NLGN1: variants seen among roughly 807,000 people sequenced by gnomAD.
NLGN1 encodes neuroligin-1.
A neutral mutation model predicts 65.5 loss-of-function variants in NLGN1; 12 were observed. That is an observed-to-expected ratio of 0.18 (90% CI 0.12 to 0.30). NLGN1 has a LOEUF of 0.30. NLGN1 is among the 10% of genes least tolerant of loss of function. The pLI, the probability that NLGN1 is intolerant of heterozygous loss-of-function variation, is 1.00. For missense variants in NLGN1, 750 were observed against 1,007.1 expected, an observed-to-expected ratio of 0.74 and a Z score of 3.46; for synonymous variants, 350 against 359.5, an observed-to-expected ratio of 0.97 and a Z score of 0.30.
intron 2 of NLGN1, among the ~76,000 whole-genome samples, chr3:173,557,384 C>T (rs1484447027): frequency 6.6e-6 from 1 of 152,008 alleles, no homozygotes; most frequent in Non-Finnish European, 1.5e-5. Flanking sequence ...TATGACTTAT[C>T]TCATTTTTTT....
At chr3:173,405,950 G>A (rs1718558387) in intron 1 of NLGN1, among the ~76,000 whole-genome samples, 1 of 152,066 alleles carries the variant, frequency 6.6e-6, no homozygotes, top group South Asian at 2.1e-4. Flanking sequence ...ACACATTTAA[G>A]TTAGTATGAT....
At chr3:173,848,891 C>T (rs1198478216) in intron 4 of NLGN1, among the ~76,000 whole-genome samples, 1 of 151,962 alleles carries the variant, frequency 6.6e-6, no homozygotes, top group East Asian at 1.9e-4. Flanking sequence ...CTATAATTAC[C>T]TGCGATAGAT....
At chr3:173,651,601 T>C (rs79275731) in intron 3 of NLGN1, among the ~76,000 whole-genome samples, 2,159 of 152,242 alleles carry the variant, frequency 0.014, 60 homozygotes, top group African/African-American at 0.049. Context: ...TATTTCTTTT[T>C]CTCTGCATCC....
chr3:173,618,315 G>C (rs978575652), intron 3 of NLGN1, among the ~76,000 whole-genome samples: 2 of 151,980 alleles, frequency 1.3e-5, no homozygotes, highest in African/African-American at 4.8e-5. Context: ...TCCTGCCTCA[G>C]CATCTTGGAT....
chr3:174,092,350 G>C (rs963715054), intron 4 of NLGN1, among the ~76,000 whole-genome samples: 1 of 152,106 alleles, frequency 6.6e-6, no homozygotes, highest in Non-Finnish European at 1.5e-5. Flanking sequence ...AGGTACTGTA[G>C]GTATAGGCAT....
In NLGN1 at chr3:173,783,232, T is replaced by C. The variant is rs892876510; in HGVS notation, c.494-24448T>C. On this transcript the variant is annotated intron_variant, in intron 3 of 6. Coordinates refer to ENST00000457714, the Ensembl canonical transcript of NLGN1. ...GGATTTCTCAACTTTGTGAATGAAT[T>C]ACATATTAAAAAGAGACCATTACAT... Among the ~76,000 whole-genome samples the C allele has an allele frequency of 2.0e-5, 3 of 152,140 alleles. No individual in the cohort carries two copies. In the East Asian group the frequency reaches 5.8e-4, roughly 29 times the overall value.
intron 2 of NLGN1, among the ~76,000 whole-genome samples, chr3:173,494,122 A>AGT (rs63066860): frequency 0.018 from 2,676 of 147,606 alleles, 40 homozygotes; most frequent in Middle Eastern, 0.035. Context: ...GTTATAGGTG[A>AGT]GTGTGTGTGT....
chr3:173,510,899 T>C (rs1732837009), intron 2 of NLGN1, among the ~76,000 whole-genome samples: 1 of 152,204 alleles, frequency 6.6e-6, no homozygotes, highest in Non-Finnish European at 1.5e-5. Context: ...TGGTATATGA[T>C]AGATTATTAC....
chr3:174,141,754 A>C (rs750235397), intron 4 of NLGN1, among the ~76,000 whole-genome samples: 14 of 152,178 alleles, frequency 9.2e-5, no homozygotes, highest in Non-Finnish European at 2.1e-4. Flanking sequence ...GGGAGAGATG[A>C]ACAATAAATA....
intron 2 of NLGN1, among the ~76,000 whole-genome samples, chr3:173,500,604 T>C (rs1350286848): frequency 4.6e-5 from 7 of 152,170 alleles, no homozygotes; most frequent in African/African-American, 1.4e-4. Context: ...TTTCTATTGA[T>C]TGGAATAGTT....
intron 4 of NLGN1, among the ~76,000 whole-genome samples, chr3:173,935,232 G>A (rs570629579): frequency 8.6e-5 from 13 of 151,952 alleles, no homozygotes; most frequent in South Asian, 6.2e-4. Context: ...TTTTGCCCAC[G>A]TCAGTTAATT....
At chr3:174,038,493 T>C (rs1731605177) in intron 4 of NLGN1, among the ~76,000 whole-genome samples, 1 of 152,184 alleles carries the variant, frequency 6.6e-6, no homozygotes, top group Non-Finnish European at 1.5e-5. Context: ...AAGTCACTTC[T>C]ATAACTTACC....
chr3:173,863,945 A>T (rs2150822815), intron 4 of NLGN1, among the ~76,000 whole-genome samples: 1 of 152,350 alleles, frequency 6.6e-6, no homozygotes, highest in East Asian at 1.9e-4. Context: ...CCTCCTTCAG[A>T]TCCCAAGTAC....
chr3:174,120,003 T>C (rs1352380118), intron 4 of NLGN1, among the ~76,000 whole-genome samples: 1 of 152,220 alleles, frequency 6.6e-6, no homozygotes, highest in Non-Finnish European at 1.5e-5. Flanking sequence ...TGAAAACCAC[T>C]GATATAGATG....
rs5854520 is a variant in NLGN1 at position 173,614,029 on chromosome 3, TAA to T, written c.493+8952_493+8953del. On this transcript the variant is annotated intron_variant, in intron 3 of 6. Transcript: ENST00000457714. Reference sequence around the variant, plus strand: ...AGATCTTTGGAGTAGTTATTCCACTTAAAAAAAAAAAAAAAGACCATATCATC... The same window carrying T: ...AGATCTTTGGAGTAGTTATTCCACTTAAAAAAAAAAAAAGACCATATCATC... 8.2e-4 allele frequency among the ~76,000 whole-genome samples: 113 copies of T among 137,496 alleles called. 1 individual carries two copies. Among genetic ancestry groups the T allele is most frequent in the Middle Eastern group, 3.6e-3 (1 of 274 alleles). 90.2% of individuals were successfully genotyped at this position (137,496 alleles called of 152,430 possible). A position where few individuals can be genotyped will look rare whatever the true frequency, so the allele number is the denominator to read the frequency against.
intron 4 of NLGN1, among the ~76,000 whole-genome samples, chr3:174,013,839 A>G (rs1560842308): frequency 6.6e-6 from 1 of 152,110 alleles, no homozygotes; most frequent in Non-Finnish European, 1.5e-5. Flanking sequence ...TCAGCCTCCC[A>G]TGGAGCTGGG....
Position 174,177,527 on chromosome 3 carries a change from G to A in NLGN1, c.647-97788G>A, listed in dbSNP as rs887395628. ...TATATTACATATAATAAAAGTGAAG[G>A]AATAACTAATTATAAGTCAGTGTCT... On this transcript the variant is annotated intron_variant, in intron 4 of 6. Coordinates refer to ENST00000457714, the Ensembl canonical transcript of NLGN1. Among the ~76,000 whole-genome samples the A allele has an allele frequency of 2.6e-5, 4 of 152,026 alleles. No homozygotes were observed. In the South Asian group the frequency reaches 8.3e-4, roughly 31 times the overall value.
At chr3:173,455,298 CTT>C (rs1332743125) in intron 2 of NLGN1, among the ~76,000 whole-genome samples, 1 of 152,066 alleles carries the variant, frequency 6.6e-6, no homozygotes, top group Non-Finnish European at 1.5e-5. Context: ...ATGCCACAGT[CTT>C]TTAAACCGTG....
At chr3:174,232,563 CA>C (rs1372040695) in intron 4 of NLGN1, among the ~76,000 whole-genome samples, 2 of 152,186 alleles carry the variant, frequency 1.3e-5, no homozygotes, top group Non-Finnish European at 2.9e-5. Flanking sequence ...AATGAAGACT[CA>C]ACTTCCCAAA....
Sources: gnomAD v4.1 joint callset for allele counts (sites outside exome capture counted in the v4.1 genomes callset) on GRCh38, gnomAD v4.1.1 for gene constraint, MANE v1.5 for transcripts, NCBI Gene and HGNC (gene_info 2026-07-23, HGNC 2026-07-21) for gene names.